Variants in DGKB observed in about 807,000 individuals in gnomAD.
DGKB encodes the protein diacylglycerol kinase beta.
DGKB carries 67 observed loss-of-function variants against 114.3 expected under a neutral mutation model. The observed-to-expected ratio is 0.59, with a 90% CI of 0.48 to 0.72. The LOEUF (loss-of-function observed/expected upper bound fraction) is 0.72, where lower values mean the gene tolerates loss of function less well. Ranked by LOEUF, DGKB falls within the 30% of genes least tolerant of loss-of-function variation. The pLI is 0.00. For missense variants in DGKB, 907 were observed against 975.2 expected, an observed-to-expected ratio of 0.93 and a Z score of 0.93; for synonymous variants, 398 against 323.1, an observed-to-expected ratio of 1.23 and a Z score of -2.49.
At chr7:14,358,824 C>T (rs1014172968) in intron 21 of DGKB, among the ~76,000 whole-genome samples, 1 of 152,178 alleles carries the variant, frequency 6.6e-6, no homozygotes, top group African/African-American at 2.4e-5. Context: ...AATGGAAGAA[C>T]ATTCCATGCT....
intron 23 of DGKB, among the ~76,000 whole-genome samples, chr7:14,214,126 C>T (rs12699579): frequency 0.011 from 1,607 of 152,216 alleles, 14 homozygotes; most frequent in Non-Finnish European, 0.019. Context: ...TCTACTCAGC[C>T]TCCCTCAAAC....
At chr7:14,301,860 G>A (rs1010553009) in intron 23 of DGKB, among the ~76,000 whole-genome samples, 1 of 152,094 alleles carries the variant, frequency 6.6e-6, no homozygotes, top group African/African-American at 2.4e-5. Context: ...CAGTGCTTTT[G>A]TCAGACTCAT....
At chr7:14,918,057 A>C (rs1784326373) in intron 1 of DGKB, among the ~76,000 whole-genome samples, 2 of 152,142 alleles carry the variant, frequency 1.3e-5, no homozygotes, top group Non-Finnish European at 1.5e-5. Context: ...TTCAACACCC[A>C]TTCTTCATGA....
At chr7:14,211,134 C>T (rs1476697379) in intron 23 of DGKB, among the ~76,000 whole-genome samples, 3 of 152,040 alleles carry the variant, frequency 2.0e-5, no homozygotes, top group Non-Finnish European at 4.4e-5. Flanking sequence ...CTCCTTTCCT[C>T]AACATTTCAT....
At chr7:14,301,585 G>T (rs532511153) in intron 23 of DGKB, among the ~76,000 whole-genome samples, 171 of 152,216 alleles carry the variant, frequency 1.1e-3, no homozygotes, top group South Asian at 6.0e-3. Flanking sequence ...ATTGTAATAA[G>T]AACTTGGTAA....
chr7:14,604,481 T>A (rs1015115909), intron 17 of DGKB, among the ~76,000 whole-genome samples: 2 of 152,162 alleles, frequency 1.3e-5, no homozygotes, highest in Admixed American at 6.6e-5. Flanking sequence ...TTTGGAAGAA[T>A]GCATAACCAC....
intron 20 of DGKB, among the ~76,000 whole-genome samples, chr7:14,554,723 A>C (rs1353027010): frequency 6.6e-6 from 1 of 152,108 alleles, no homozygotes; most frequent in Admixed American, 6.5e-5. Context: ...AGTCTTTGTA[A>C]TTTTGAACAA....
At chr7:14,601,034 T>G (rs1803451164) in intron 17 of DGKB, among the ~76,000 whole-genome samples, 1 of 152,176 alleles carries the variant, frequency 6.6e-6, no homozygotes, top group Non-Finnish European at 1.5e-5. Flanking sequence ...GGTCTGGGGA[T>G]CTCAAGGACC....
At chr7:14,761,910 A>G (rs908806704) in intron 2 of DGKB, among the ~76,000 whole-genome samples, 1 of 152,166 alleles carries the variant, frequency 6.6e-6, no homozygotes, top group Admixed American at 6.6e-5. Flanking sequence ...TGCGCAGCAC[A>G]AAAGATTGGG....
intron 17 of DGKB, among the ~76,000 whole-genome samples, chr7:14,588,117 C>A (rs1340018498): frequency 6.6e-6 from 1 of 152,098 alleles, no homozygotes; most frequent in Non-Finnish European, 1.5e-5. Flanking sequence ...CTATTGAATC[C>A]ATTCTCTTTA....
intron 21 of DGKB, among the ~76,000 whole-genome samples, chr7:14,416,288 T>G (rs1583773561): frequency 6.6e-6 from 1 of 152,150 alleles, no homozygotes; most frequent in African/African-American, 2.4e-5. Context: ...CTATGTTTTT[T>G]TCAGTTATGT....
At chr7:14,517,103 C>T (rs1380058526) in intron 20 of DGKB, among the ~76,000 whole-genome samples, 2 of 151,934 alleles carry the variant, frequency 1.3e-5, no homozygotes, top group Non-Finnish European at 2.9e-5. Context: ...GCTACAAAAA[C>T]GAACACATAT....
At chr7:14,176,803 G>C (rs1322365476) in intron 25 of DGKB, 36 bp downstream of exon 25, 2 of 1,586,700 alleles carry the variant, frequency 1.3e-6, no homozygotes, top group Non-Finnish European at 1.7e-6. Flanking sequence ...AAGCAAAACT[G>C]AGATTGACAT....
chr7:14,198,371 C>G (rs757998608), intron 23 of DGKB, among the ~76,000 whole-genome samples: 11 of 151,992 alleles, frequency 7.2e-5, no homozygotes, highest in Admixed American at 1.3e-4. Context: ...TTTGTTGAGG[C>G]TGGCAGAAGA....
At position 14,148,421 on chromosome 7, in the gene DGKB, G is replaced by A. The variant is rs1781714970; in HGVS notation, c.*710C>T. The A allele has an allele frequency of 6.6e-6, 1 of 152,524 alleles. No homozygotes were observed. The highest frequency in any genetic ancestry group is 6.6e-5 in the Admixed American group (1 of 15,248). 9.4% of individuals were successfully genotyped at this position (152,524 alleles called of 1,614,324 possible). ...TAGATTCTCATGCAGAAAGGAACAA[G>A]GCTTGCCATATTACCACACTTGACT... On this transcript the variant is annotated 3_prime_UTR_variant, in exon 26 of 26. Coordinates refer to ENST00000402815, the MANE Select transcript of DGKB (RefSeq NM_001350709.2).
intron 21 of DGKB, among the ~76,000 whole-genome samples, chr7:14,453,593 G>A (rs1831846214): frequency 6.6e-6 from 1 of 152,060 alleles, no homozygotes; most frequent in African/African-American, 2.4e-5. Flanking sequence ...AGAACATGAA[G>A]TTTTTACTCC....
chr7:14,253,769 G>A (rs990699847), intron 23 of DGKB, among the ~76,000 whole-genome samples: 6 of 152,120 alleles, frequency 3.9e-5, no homozygotes, highest in African/African-American at 1.4e-4. Flanking sequence ...TTAGACTTCT[G>A]TCAGACTGCA....
chr7:14,522,975 A>G (rs939879494), intron 20 of DGKB, among the ~76,000 whole-genome samples: 2 of 152,138 alleles, frequency 1.3e-5, no homozygotes, highest in Non-Finnish European at 2.9e-5. Context: ...TTGAATGTAA[A>G]CCCAACTTTT....
intron 23 of DGKB, among the ~76,000 whole-genome samples, chr7:14,312,447 T>G (rs1205318431): frequency 1.3e-5 from 2 of 152,246 alleles, no homozygotes; most frequent in Non-Finnish European, 2.9e-5. Context: ...TACTTGTTAT[T>G]AATGCCTTGT....
Sources: gnomAD v4.1 joint callset for allele counts (sites outside exome capture counted in the v4.1 genomes callset) on GRCh38, gnomAD v4.1.1 for gene constraint, MANE v1.5 for transcripts, NCBI Gene and HGNC (gene_info 2026-07-23, HGNC 2026-07-21) for gene names.